PRPF8: variants seen among roughly 807,000 people sequenced by gnomAD.
PRPF8 encodes pre-mRNA processing factor 8.
PRPF8 carries 64 observed loss-of-function variants against 285.9 expected under a neutral mutation model. That is an observed-to-expected ratio of 0.22 (90% confidence interval 0.18 to 0.28). The LOEUF is 0.28. Among genes scored for constraint, PRPF8 ranks in the 10% least tolerant of loss-of-function variants. The pLI is 1.00. For synonymous variants in PRPF8, 1,325 were observed against 1,118.2 expected (o/e 1.18, Z -3.69); for missense variants, 1,426 against 3,026.7 (o/e 0.47, Z 12.41).
chr17:1,676,646 C>T lies in PRPF8; in HGVS notation c.2247G>A (p.Trp749Ter). ...ILRYVKAKAD[W>*]WTNTAHYNRE... is the part of the protein sequence containing the mutation. ...GGTTGTAGTGGGCAGTGTTGGTCCACCAGTCAGCCTTGGCCTTCACGTATC... is the reference window on the plus strand; with the variant it reads ...GGTTGTAGTGGGCAGTGTTGGTCCATCAGTCAGCCTTGGCCTTCACGTATC... Residue 749 changes from tryptophan to a stop codon, truncating the protein, a stop_gained, in exon 16 of 43, where the codon TGG (tryptophan) becomes TGA (stop). Transcript: ENST00000304992. LOFTEE classifies it high-confidence loss of function. The surrounding 1 kb of genome is among the most constrained non-coding windows in gnomAD (Gnocchi z 6.3). The T allele has an allele frequency of 6.2e-7, 1 of 1,614,190 alleles. No homozygotes were observed. Among genetic ancestry groups the T allele is most frequent in the Non-Finnish European group, 8.5e-7 (1 of 1,180,034 alleles).
intron 3 of PRPF8, chr17:1,683,066 G>A: frequency 4.1e-6 from 1 of 245,724 alleles, no homozygotes; most frequent in Non-Finnish European, 8.1e-6. Context: ...TGTGATCTCG[G>A]CTCACTACAA....
chr17:1,684,217 T>A (rs1313320281), intron 2 of PRPF8, among the ~76,000 whole-genome samples: 2 of 152,156 alleles, frequency 1.3e-5, no homozygotes, highest in Non-Finnish European at 2.9e-5. Flanking sequence ...TTCAAGGTTT[T>A]GTTATTCTCT....
At chr17:1,669,013 C>A (rs558620640) in intron 24 of PRPF8, among the ~76,000 whole-genome samples, 2 of 152,320 alleles carry the variant, frequency 1.3e-5, no homozygotes, top group South Asian at 2.1e-4. Context: ...CACATCTTTC[C>A]AGACCTCTTT....
At chr17:1,656,998 A>G (rs988981229) in intron 34 of PRPF8, among the ~76,000 whole-genome samples, 2 of 152,222 alleles carry the variant, frequency 1.3e-5, no homozygotes, top group African/African-American at 2.4e-5. Flanking sequence ...TAAACTATAC[A>G]CTGTTTTACA....
In PRPF8 at chr17:1,681,720, G is replaced by C. The variant is rs774243992; in HGVS notation, c.654-30C>G. ...GTAAAAAATGAAAGGCCCACCTCAAGTAAGCAGCTAGACAAACCCATACCA... is the reference window on the plus strand; with the variant it reads ...GTAAAAAATGAAAGGCCCACCTCAACTAAGCAGCTAGACAAACCCATACCA... On this transcript the variant is annotated intron_variant, in intron 5 of 42. Coordinates refer to ENST00000304992, the MANE Select transcript of PRPF8 (RefSeq NM_006445.4). The C allele has an allele frequency of 4.3e-6, 7 of 1,611,938 alleles. No individual in the cohort carries two copies. In the African/African-American group the frequency reaches 9.4e-5, roughly 22 times the overall value.
intron 8 of PRPF8, 179 bp downstream of exon 8, chr17:1,680,547 A>G (rs1162086655): frequency 1.4e-6 from 1 of 691,812 alleles, no homozygotes. Context: ...AGAAAACAGG[A>G]TTATACCAAT....
intron 21 of PRPF8, among the ~76,000 whole-genome samples, chr17:1,674,185 G>C (rs1329768063): frequency 6.6e-6 from 1 of 152,102 alleles, no homozygotes; most frequent in Non-Finnish European, 1.5e-5. Context: ...ACCACGCCCA[G>C]CTAATTTTTT....
intron 24 of PRPF8, among the ~76,000 whole-genome samples, chr17:1,670,778 C>A (rs904095769): frequency 1.3e-5 from 2 of 152,136 alleles, no homozygotes; most frequent in African/African-American, 4.8e-5. Flanking sequence ...TGAGCCCCCG[C>A]GCCTGGCCTG....
intron 8 of PRPF8, chr17:1,680,423 T>C (rs1256302063): frequency 2.9e-5 from 14 of 487,606 alleles, no homozygotes; most frequent in Non-Finnish European, 5.2e-5. Flanking sequence ...TTGTATGGTA[T>C]GTTAACTACA....
Position 1,679,912 on chromosome 17 carries a change from G to A in PRPF8, c.1099-113C>T. The stretch of plus-strand genomic sequence containing the variant: ...AGCCTGTATCTGCTATGGAAACTGG[G>A]CTGTCTGACAAAAGCAGCCCTGAAG... On this transcript the variant is annotated intron_variant, in intron 8 of 42. Transcript: ENST00000304992. This position sits in a 1 kb window ranked among gnomAD's most constrained non-coding sequence, Gnocchi z 4.7. 7.7e-7 allele frequency: 1 copy of A among 1,296,332 alleles called. No individual in the cohort carries two copies. The allele number at this position is 1,296,332 out of a possible 1,614,324, so 80.3% of individuals were successfully genotyped here.
At chr17:1,669,750 C>T (rs932064381) in intron 24 of PRPF8, among the ~76,000 whole-genome samples, 2 of 152,186 alleles carry the variant, frequency 1.3e-5, no homozygotes, top group African/African-American at 4.8e-5. Context: ...CAGCATCACC[C>T]CAATTCTGGA....
In PRPF8 at chr17:1,682,300, C is replaced by T; in HGVS notation, c.270-7G>A. 6.2e-7 allele frequency: 1 copy of T among 1,613,802 alleles called. No individual in the cohort carries two copies. The highest frequency in any genetic ancestry group is 8.5e-7 in the Non-Finnish European group (1 of 1,179,744). On this transcript the variant is annotated splice_region_variant and splice_polypyrimidine_tract_variant and intron_variant, in intron 3 of 42. Transcript: ENST00000304992. ...GGGCATGTACTTTAGGGCACTGGCA[C>T]ATTAGAAAAAGAGAAGGCTATCAGA...
At position 1,676,203 on chromosome 17, in the gene PRPF8, T is replaced by C; in HGVS notation, c.2552+4A>G. 6.2e-7 allele frequency: 1 copy of C among 1,613,450 alleles called. No homozygotes were observed. ...AGCAGGAACCTATCTACCCTACTAC[T>C]CACCTATAAGCTTCCTTGAGCCGCT... On this transcript the variant is annotated splice_donor_region_variant and intron_variant, in intron 17 of 42. Transcript: ENST00000304992. The surrounding 1 kb of genome is among the most constrained non-coding windows in gnomAD (Gnocchi z 6.3).
At position 1,651,003 on chromosome 17, in the gene PRPF8, T is replaced by TG; in HGVS notation, c.6854-48dup. ...CAATGTTAACAGGGCTCCTGCCTCA[T>TG]GCAGCCTGCGCCACCTCCAAGCCAG... On this transcript the variant is annotated intron_variant, in intron 42 of 42. Coordinates refer to ENST00000304992, the MANE Select transcript of PRPF8 (RefSeq NM_006445.4). This position sits in a 1 kb window ranked among gnomAD's most constrained non-coding sequence, Gnocchi z 5.1. The TG allele has an allele frequency of 6.2e-7, 1 of 1,614,168 alleles. No individual in the cohort carries two copies. The highest frequency in any genetic ancestry group is 8.5e-7 in the Non-Finnish European group (1 of 1,180,024).
In PRPF8 at chr17:1,659,191, A is replaced by G. The variant is rs1218165781; in HGVS notation, c.5138+166T>C. The G allele has an allele frequency of 2.5e-6, 2 of 785,144 alleles. No homozygotes were observed. Among genetic ancestry groups the G allele is most frequent in the South Asian group, 3.0e-5 (2 of 67,068 alleles). 48.6% of individuals were successfully genotyped at this position (785,144 alleles called of 1,614,324 possible). A position where few individuals can be genotyped will look rare whatever the true frequency, so the allele number is the denominator to read the frequency against. Reference sequence around the variant, plus strand: ...CAGGCGTGGACCACCACGCCCAGCTAATTTTTTGTATTTTGGTAGAGACAG... The same window carrying G: ...CAGGCGTGGACCACCACGCCCAGCTGATTTTTTGTATTTTGGTAGAGACAG... On this transcript the variant is annotated intron_variant, in intron 32 of 42. Coordinates refer to ENST00000304992, the MANE Select transcript of PRPF8 (RefSeq NM_006445.4). This position sits in a 1 kb window ranked among gnomAD's most constrained non-coding sequence, Gnocchi z 5.1.
Position 1,681,155 on chromosome 17 carries a change from T to C in PRPF8, c.867-101A>G, listed in dbSNP as rs1177655465. 2.2e-5 allele frequency: 29 copies of C among 1,315,792 alleles called. No homozygotes were observed. In the East Asian group the frequency reaches 4.4e-4, roughly 20 times the overall value. 81.5% of individuals were successfully genotyped at this position (1,315,792 alleles called of 1,614,324 possible). A position where few individuals can be genotyped will look rare whatever the true frequency, so the allele number is the denominator to read the frequency against. ...ATGCAATGGCATGATCATCGTTCAC[T>C]GCAGCCGTGACCTCCTGGGCTCAAA... On this transcript the variant is annotated intron_variant, in intron 6 of 42. Transcript: ENST00000304992.
In PRPF8 at chr17:1,676,091, AG is replaced by A; in HGVS notation, c.2553-38del. 6.2e-7 allele frequency: 1 copy of A among 1,612,454 alleles called. No homozygotes were observed. The highest frequency in any genetic ancestry group is 1.1e-5 in the South Asian group (1 of 90,996). On this transcript the variant is annotated intron_variant, in intron 17 of 42. Transcript: ENST00000304992. The surrounding 1 kb of genome is among the most constrained non-coding windows in gnomAD (Gnocchi z 6.3). ...AATGGGAAGGGTGAATGGGAAAACT[AG>A]GAGGAAGTAAAACCAGGAAAGACTG...
Position 1,658,431 on chromosome 17 carries a change from C to T in PRPF8, c.5377-50G>A, listed in dbSNP as rs1281605268. ...CATGGCCTACACAACACATCCCCAT[C>T]CTGCCTTCTTCCCAGCATGTGTACA... is the stretch of plus-strand genomic sequence containing the variant. On this transcript the variant is annotated intron_variant, in intron 33 of 42. Coordinates refer to ENST00000304992, the MANE Select transcript of PRPF8 (RefSeq NM_006445.4). The surrounding 1 kb of genome is among the most constrained non-coding windows in gnomAD (Gnocchi z 4.1). 6 of 1,614,098 alleles carry T rather than the reference C, an allele frequency of 3.7e-6. No individual in the cohort carries two copies. In the Admixed American group the frequency reaches 6.7e-5, roughly 18 times the overall value.
Position 1,676,143 on chromosome 17 carries a change from C to G in PRPF8, c.2552+64G>C. The G allele has an allele frequency of 1.2e-6, 2 of 1,612,180 alleles. No individual in the cohort carries two copies. The highest frequency in any genetic ancestry group is 2.2e-5 in the East Asian group (1 of 44,880). ...GGGCTACACCTTCTTTCTTTGGACT[C>G]TGAGGATGACGCCATTCCCTGCTGT... On this transcript the variant is annotated intron_variant, in intron 17 of 42. Transcript: ENST00000304992. The surrounding 1 kb of genome is among the most constrained non-coding windows in gnomAD (Gnocchi z 6.3).
Sources: gnomAD v4.1 joint callset for allele counts (sites outside exome capture counted in the v4.1 genomes callset) on GRCh38, gnomAD v4.1.1 for gene constraint, Gnocchi (gnomAD v3.1) non-coding constraint, MANE v1.5 for transcripts, NCBI Gene and HGNC (gene_info 2026-07-23, HGNC 2026-07-21) for gene names.